Variants in ALDH5A1 observed in about 807,000 individuals in gnomAD.
ALDH5A1 encodes succinate-semialdehyde dehydrogenase, mitochondrial.
ALDH5A1 carries 33 observed loss-of-function variants against 54.7 expected under a neutral mutation model. The ratio of observed to expected loss-of-function variants is 0.60; its 90% confidence interval spans 0.46 to 0.81. The LOEUF is 0.81. Among genes scored for constraint, ALDH5A1 ranks in the 30% least tolerant of loss-of-function variants. The probability of loss-of-function intolerance (pLI) is 0.00; values close to 1 mark genes in which losing one functional copy is unlikely to be tolerated. For missense variants in ALDH5A1, 657 were observed against 711.0 expected (o/e 0.92, Z 0.86); for synonymous variants, 294 against 292.7 (o/e 1.00, Z -0.05).
intron 5 of ALDH5A1, among the ~76,000 whole-genome samples, chr6:24,519,089 C>T (rs76873879): frequency 0.033 from 5,002 of 151,986 alleles, 133 homozygotes; most frequent in South Asian, 0.16. Context: ...GTGTTTTTGT[C>T]TTTTGTTTTG....
chr6:24,499,101 C>T (rs1462796358), intron 1 of ALDH5A1, among the ~76,000 whole-genome samples: 1 of 91,258 alleles, frequency 1.1e-5, no homozygotes. Flanking sequence ...GACTCTGTCT[C>T]AAAAAAAAAA....
rs917293482 is a variant in ALDH5A1, at chr6:24,536,777, C to A, written c.*3065C>A. 3 of 152,458 alleles carry A rather than the reference C, an allele frequency of 2.0e-5. No homozygotes were observed. The highest frequency in any genetic ancestry group is 7.2e-5 in the African/African-American group (3 of 41,430). The allele number at this position is 152,458 out of a possible 1,614,324, so 9.4% of individuals were successfully genotyped here. Reference sequence around the variant, plus strand: ...AAGAGCTGATCTGCATCTGTTTATCCATTTTAGTAGCTTTTAAATATGATT... The same window carrying A: ...AAGAGCTGATCTGCATCTGTTTATCAATTTTAGTAGCTTTTAAATATGATT... On this transcript the variant is annotated 3_prime_UTR_variant, in exon 10 of 10. Transcript: ENST00000357578.
At chr6:24,531,343 G>C (rs1709738483) in intron 8 of ALDH5A1, among the ~76,000 whole-genome samples, 2 of 152,220 alleles carry the variant, frequency 1.3e-5, no homozygotes, top group African/African-American at 4.8e-5. Flanking sequence ...GAAGGCATTG[G>C]TTGAGAATGC....
rs1049559545 is a variant in ALDH5A1, at chr6:24,502,505, T to C, written c.355-18T>C. On this transcript the variant is annotated intron_variant, in intron 1 of 9. Coordinates refer to ENST00000357578, the MANE Select transcript of ALDH5A1 (RefSeq NM_001080.3). ...CTTGGCATTTTATTACTTTTCTGCC[T>C]TGTTATTTCTTTTGCAGGAGAGGAG... 6.3e-7 allele frequency: 1 copy of C among 1,578,128 alleles called. No homozygotes were observed. Among genetic ancestry groups the C allele is most frequent in the Non-Finnish European group, 8.7e-7 (1 of 1,147,508 alleles).
rs1310562157 is a variant in ALDH5A1 at position 24,533,632 on chromosome 6, TC to T, written c.1530del (p.Gly511AlafsTer35). On this transcript the variant is annotated frameshift_variant, in exon 10 of 10. Transcript: ENST00000357578. LOFTEE classifies it high-confidence loss of function. ...VECPFGGVKQ[S>X]GLGREGSKYG... is the part of the protein sequence containing the mutation. The stretch of plus-strand genomic sequence containing the variant: ...GTGCCCTTTTGGTGGAGTGAAGCAG[TC>T]CGGCCTTGGGCGAGAGGGGTCCAAG... 1 of 1,614,056 alleles carries T rather than the reference TC, an allele frequency of 6.2e-7. No homozygotes were observed. Among genetic ancestry groups the T allele is most frequent in the Non-Finnish European group, 8.5e-7 (1 of 1,180,022 alleles).
Position 24,502,380 on chromosome 6 carries a change from G to C in ALDH5A1, c.355-143G>C, listed in dbSNP as rs780448689. On this transcript the variant is annotated intron_variant, in intron 1 of 9. Transcript: ENST00000357578. ...TTTTACCAGCTATCTGGGTCTCCCAGTCAAATTTACACATAAAATTAACCA... is the reference window on the plus strand; with the variant it reads ...TTTTACCAGCTATCTGGGTCTCCCACTCAAATTTACACATAAAATTAACCA... 75 of 734,504 alleles carry C rather than the reference G, an allele frequency of 1.0e-4. No homozygotes were observed. In the Middle Eastern group the frequency reaches 1.1e-3, roughly 10 times the overall value. 45.5% of individuals were successfully genotyped at this position (734,504 alleles called of 1,614,324 possible).
intron 9 of ALDH5A1, 25 bp from the exon 10 acceptor site, chr6:24,533,482 T>A: frequency 6.2e-7 from 1 of 1,610,690 alleles, no homozygotes; most frequent in Non-Finnish European, 8.5e-7. Context: ...CTAAATGCCA[T>A]ATATGTCCTT....
At chr6:24,528,702 CT>C (rs558159398) in intron 8 of ALDH5A1, among the ~76,000 whole-genome samples, 3,362 of 142,970 alleles carry the variant, frequency 0.024, 48 homozygotes, top group African/African-American at 0.056. Context: ...CTGCTGAACT[CT>C]TTTTTTTTTT....
chr6:24,503,147 G>A, intron 2 of ALDH5A1, 116 bp from the exon 3 acceptor site: 3 of 1,281,652 alleles, frequency 2.3e-6, no homozygotes, highest in Non-Finnish European at 3.3e-6. Flanking sequence ...CCCACTCTAT[G>A]GGTATCGTTA....
chr6:24,506,972 C>T (rs188712657), intron 4 of ALDH5A1, among the ~76,000 whole-genome samples: 1 of 152,172 alleles, frequency 6.6e-6, no homozygotes, highest in East Asian at 1.9e-4. Context: ...GGATCTGGTC[C>T]AGGATATCCC....
rs1180214630 is a variant in ALDH5A1, at chr6:24,504,982, T to C, written c.723T>C (p.Ala241=). 1.2e-6 allele frequency: 2 copies of C among 1,613,892 alleles called. No individual in the cohort carries two copies. The highest frequency in any genetic ancestry group is 3.3e-5 in the Admixed American group (2 of 60,034). The part of the protein sequence containing the change: ...EDTPFSALAL[A]ELASQAGIPS... ...CGCCCTTCTCCGCCCTGGCCCTGGC[T>C]GAGGTGAGCCGCTCTCCCTGTGTTT... Residue 241 remains alanine, a synonymous_variant, in exon 4 of 10, where the codon GCT becomes GCC. Transcript: ENST00000357578.
At chr6:24,502,660 A>G (rs1759224670) in intron 2 of ALDH5A1, 54 bp downstream of exon 2, 1 of 1,444,072 alleles carries the variant, frequency 6.9e-7, no homozygotes, top group Non-Finnish European at 9.7e-7. Context: ...GAATTTTTAC[A>G]CTAAACTTGG....
chr6:24,515,702 A>G (rs1581815499), intron 5 of ALDH5A1, among the ~76,000 whole-genome samples: 1 of 152,198 alleles, frequency 6.6e-6, no homozygotes, highest in Admixed American at 6.5e-5. Flanking sequence ...AGACTGGGTG[A>G]CAGAGCAGAC....
intron 1 of ALDH5A1, among the ~76,000 whole-genome samples, chr6:24,498,366 G>T (rs1423494194): frequency 6.6e-6 from 1 of 152,172 alleles, no homozygotes; most frequent in Non-Finnish European, 1.5e-5. Context: ...TCACAGGAAA[G>T]GAGTGGACCA....
At chr6:24,495,959 A>C (rs1221266922) in intron 1 of ALDH5A1, among the ~76,000 whole-genome samples, 4 of 152,178 alleles carry the variant, frequency 2.6e-5, no homozygotes, top group African/African-American at 9.7e-5. Flanking sequence ...AACACTGGAG[A>C]ATTGGGAGTA....
At chr6:24,505,990 C>T (rs1356131040) in intron 4 of ALDH5A1, among the ~76,000 whole-genome samples, 1 of 151,642 alleles carries the variant, frequency 6.6e-6, no homozygotes, top group Non-Finnish European at 1.5e-5. Context: ...CACAACCTCA[C>T]ACTCTGATCC....
chr6:24,502,720 A>T (rs571861510), intron 2 of ALDH5A1, 114 bp downstream of exon 2: 1 of 777,100 alleles, frequency 1.3e-6, no homozygotes, highest in South Asian at 1.5e-5. Flanking sequence ...AGAATATGTG[A>T]TTCCTTCTCT....
At chr6:24,511,386 T>A (rs1759458265) in intron 4 of ALDH5A1, among the ~76,000 whole-genome samples, 2 of 152,168 alleles carry the variant, frequency 1.3e-5, no homozygotes, top group South Asian at 4.2e-4. Flanking sequence ...GCTGGAGAAG[T>A]TTTCCTCGAT....
chr6:24,531,730 A>C (rs1759940589), intron 8 of ALDH5A1, among the ~76,000 whole-genome samples: 1 of 152,154 alleles, frequency 6.6e-6, no homozygotes, highest in Non-Finnish European at 1.5e-5. Context: ...ACCCCTTCTG[A>C]ACGTTTTCTT....
Sources: allele counts gnomAD v4.1 joint callset (sites outside exome capture counted in the v4.1 genomes callset), GRCh38; gene constraint gnomAD v4.1.1; transcripts MANE v1.5; gene names NCBI Gene and HGNC (gene_info 2026-07-23, HGNC 2026-07-21).